The following PCSK7 variants were observed in gnomAD, a reference collection of about 807,000 sequenced individuals.
PCSK7 encodes proprotein convertase subtilisin/kexin type 7, also known as lymphoma proprotein convertase.
PCSK7 carries 38 observed loss-of-function variants against 73.3 expected under a neutral mutation model. That is an observed-to-expected ratio of 0.52 (90% CI 0.40 to 0.68). The LOEUF is 0.68. PCSK7 is among the 30% of genes least tolerant of loss of function. PCSK7 has a pLI of 0.00. For synonymous variants in PCSK7, 296 were observed against 383.8 expected, an observed-to-expected ratio of 0.77 and a Z score of 2.68; for missense variants, 692 against 991.5, an observed-to-expected ratio of 0.70 and a Z score of 4.06.
chr11:117,219,002 C>A, intron 11 of PCSK7, 55 bp downstream of exon 11: 1 of 1,230,664 alleles, frequency 8.1e-7, no homozygotes, highest in South Asian at 1.3e-5. Flanking sequence ...GGGCATTCAG[C>A]TCCGACCCTT....
rs141239283 is a variant in PCSK7 at position 117,230,166 on chromosome 11, T to C, written c.-13+183A>G. 280 of 306,950 alleles carry C rather than the reference T, an allele frequency of 9.1e-4. 2 individuals are homozygous for C. Among genetic ancestry groups the C allele is most frequent in the African/African-American group, 4.6e-3 (217 of 46,784 alleles). 19.0% of individuals were successfully genotyped at this position (306,950 alleles called of 1,614,324 possible). On this transcript the variant is annotated intron_variant, in intron 2 of 16. Coordinates refer to ENST00000320934, the MANE Select transcript of PCSK7 (RefSeq NM_004716.4). The stretch of plus-strand genomic sequence containing the variant: ...TCACAGGCACTGCGAGCAACCCCTG[T>C]TGCCACCCACAGGGCTCAAAGCACA...
In PCSK7 at chr11:117,227,197, G is replaced by A. The variant is rs201206256; in HGVS notation, c.729C>T (p.Ser243=). The change falls in exon 5 of 17, where the codon AGC becomes AGT. Residue 243 remains serine (S), a synonymous_variant. Transcript: ENST00000320934. ...AGEIAAVPNN[S]FCAVGVAYGS... is the part of the protein sequence containing the mutation. ...CGTAGGCCACGCCCACGGCACAGAA[G>A]CTGTTGTTGGGCACAGCCGCGATCT... is the stretch of plus-strand genomic sequence containing the variant. 14 of 1,611,084 alleles carry A rather than the reference G, an allele frequency of 8.7e-6. No homozygotes were observed. The Admixed American group carries it at 2.0e-4, about 23-fold the overall frequency.
At position 117,226,007 on chromosome 11, in the gene PCSK7, C is replaced by G; in HGVS notation, c.784G>C (p.Asp262His). ...TCCATGCTGTCTGTGAGAGGTCCAT[C>G]CAGTACCCGGATACCTAGGCAATGA... Reference protein sequence around the residue: ...GSRIAGIRVLDGPLTDSMEAV... With the variant: ...GSRIAGIRVLHGPLTDSMEAV... The change falls in exon 6 of 17, where the codon GAT becomes CAT. Residue 262 changes from aspartate (D) to histidine (H), a missense_variant. By Grantham distance (81) the Asp-to-His change is moderately conservative. Coordinates refer to ENST00000320934, the MANE Select transcript of PCSK7 (RefSeq NM_004716.4). 1 of 1,605,634 alleles carries G rather than the reference C, an allele frequency of 6.2e-7. No individual in the cohort carries two copies. The highest frequency in any genetic ancestry group is 2.2e-5 in the East Asian group (1 of 44,842).
At chr11:117,221,104 C>T (rs2032173750) in intron 9 of PCSK7, 1 of 152,296 alleles carries the variant, frequency 6.6e-6, no homozygotes, top group Non-Finnish European at 1.5e-5. Context: ...GTGCTAACAC[C>T]GGAGAATTTC....
At chr11:117,211,014 G>A (rs966766812) in intron 12 of PCSK7, 14 of 152,236 alleles carry the variant, frequency 9.2e-5, no homozygotes, top group African/African-American at 3.4e-4. Flanking sequence ...GAGAGGCACT[G>A]AAAGTAGGGG....
intron 12 of PCSK7, chr11:117,210,586 T>A (rs1302807766): frequency 1.3e-5 from 2 of 152,160 alleles, no homozygotes; most frequent in Non-Finnish European, 2.9e-5. Flanking sequence ...CTCAATCTCT[T>A]GACCTTATGA....
chr11:117,224,787 C>T, intron 6 of PCSK7, 32 bp from the exon 7 acceptor site: 1 of 1,580,310 alleles, frequency 6.3e-7, no homozygotes, highest in Non-Finnish European at 8.7e-7. Flanking sequence ...GAGGGGACAG[C>T]CAGAGCCAGG....
rs1401602352 is a variant in PCSK7 at position 117,229,740 on chromosome 11, G to A, written c.105C>T (p.Val35=). ...LAGLFLLVPW[V]MGLAGTGGPD... ...GCCCACCTGTCCCTGCCAGGCCCATGACCCAGGGAACCAGTAAGAAGAGCC... is the reference window on the plus strand; with the variant it reads ...GCCCACCTGTCCCTGCCAGGCCCATAACCCAGGGAACCAGTAAGAAGAGCC... Residue 35 remains valine (V), a synonymous_variant, in exon 3 of 17, where the codon GTC becomes GTT. Coordinates refer to ENST00000320934, the MANE Select transcript of PCSK7 (RefSeq NM_004716.4). The A allele has an allele frequency of 1.2e-6, 2 of 1,613,948 alleles. No individual in the cohort carries two copies. Among genetic ancestry groups the A allele is most frequent in the South Asian group, 2.2e-5 (2 of 91,076 alleles).
chr11:117,206,019 C>A lies in PCSK7; in HGVS notation c.2336G>T (p.Gly779Val). ...CPHQHLDVPHGKEEQIC is the reference protein window; with the variant it reads ...CPHQHLDVPHVKEEQIC The stretch of plus-strand genomic sequence containing the variant: ...AGGTCAGCAGATCTGCTCCTCCTTC[C>A]CGTGCGGTACGTCTAGGTGCTGATG... The change falls in exon 17 of 17, where the codon GGG becomes GTG. Residue 779 changes from glycine to valine, a missense_variant. Gly to Val is a moderately radical substitution (Grantham distance 109). Around this residue, in one of 6 missense-constraint regions of PCSK7, gnomAD observed 10 missense variants for 44.0 expected, o/e 0.23. Coordinates refer to ENST00000320934, the MANE Select transcript of PCSK7 (RefSeq NM_004716.4). The A allele has an allele frequency of 6.6e-6, 8 of 1,219,270 alleles. No homozygotes were observed. The highest frequency in any genetic ancestry group is 9.2e-6 in the Non-Finnish European group (8 of 871,664). 75.5% of individuals were successfully genotyped at this position (1,219,270 alleles called of 1,614,324 possible).
At chr11:117,227,403 TG>T (rs2032472644) in intron 4 of PCSK7, 81 bp from the exon 5 acceptor site, 1 of 1,039,762 alleles carries the variant, frequency 9.6e-7, no homozygotes, top group Non-Finnish European at 1.5e-6. Context: ...AGAAAGGAAA[TG>T]GGAGTTTGGG....
Position 117,229,617 on chromosome 11 carries a change from G to A in PCSK7, c.228C>T (p.Ala76=), listed in dbSNP as rs751477484. 1 of 1,614,074 alleles carries A rather than the reference G, an allele frequency of 6.2e-7. No individual in the cohort carries two copies. The highest frequency in any genetic ancestry group is 2.2e-5 in the East Asian group (1 of 44,880). The part of the protein sequence containing the change: ...EEETLEQQAD[A]LAQAAGLVNA... ...TCACCAGCCCTGCTGCCTGGGCCAA[G>A]GCATCCGCCTGCTGCTCCAGAGTCT... is the stretch of plus-strand genomic sequence containing the variant. Residue 76 remains alanine (A), a synonymous_variant, in exon 3 of 17, where the codon GCC becomes GCT. Transcript: ENST00000320934.
chr11:117,222,647 A>G (rs1323768224), intron 9 of PCSK7: 5 of 145,090 alleles, frequency 3.4e-5, no homozygotes, highest in African/African-American at 1.3e-4. Flanking sequence ...TGTGACACTT[A>G]GTTTCTTTTT....
At chr11:117,223,633 G>A (rs537856966) in intron 8 of PCSK7, 333 of 387,408 alleles carry the variant, frequency 8.6e-4, no homozygotes, top group Middle Eastern at 1.4e-3. Context: ...GGTCACACCC[G>A]TGCCAGGCAT....
At chr11:117,215,371 T>TGTGTGTGTGTGTGTGG (rs2031922742) in intron 12 of PCSK7, 1 of 86,050 alleles carries the variant, frequency 1.2e-5, no homozygotes. Context: ...AATTTGTGTG[T>TGTGTGTGTGTGTGTGG]GTGTGTGTGT....
rs1565297176 is a variant in PCSK7, at chr11:117,205,147, A to G, written c.*850T>C. The G allele has an allele frequency of 4.3e-6, 1 of 232,270 alleles. No homozygotes were observed. The highest frequency in any genetic ancestry group is 8.5e-6 in the Non-Finnish European group (1 of 117,154). The allele number at this position is 232,270 out of a possible 1,614,324, so 14.4% of individuals were successfully genotyped here. ...AAAATGTTGCTGTGAAAAGAGAAAAACAAATCTTAAGCATTAAAAAAAATT... is the reference window on the plus strand; with the variant it reads ...AAAATGTTGCTGTGAAAAGAGAAAAGCAAATCTTAAGCATTAAAAAAAATT... On this transcript the variant is annotated 3_prime_UTR_variant, in exon 17 of 17. Transcript: ENST00000320934.
intron 1 of PCSK7, among the ~76,000 whole-genome samples, chr11:117,230,808 A>G (rs1253673508): frequency 6.6e-6 from 1 of 152,196 alleles, no homozygotes; most frequent in African/African-American, 2.4e-5. Flanking sequence ...TCCCAGAAGG[A>G]TACCAGGGAA....
intron 4 of PCSK7, among the ~76,000 whole-genome samples, chr11:117,227,862 G>A (rs2032491324): frequency 6.6e-6 from 1 of 152,220 alleles, no homozygotes; most frequent in African/African-American, 2.4e-5. Flanking sequence ...ATGCGAATGT[G>A]CCTACAGCTC....
chr11:117,230,109 A>G, intron 2 of PCSK7: 1 of 430,522 alleles, frequency 2.3e-6, no homozygotes, highest in East Asian at 3.7e-5. Context: ...AATCCTCACG[A>G]CACCAGCTAA....
chr11:117,215,588 AGATGGGGTTTCACCGTGTTAGCCAG>A lies in PCSK7; in HGVS notation c.1534+2853_1534+2877del, dbSNP rs1361388489. The A allele has an allele frequency of 4.2e-4, 63 of 150,438 alleles. 1 individual carries two copies. The highest frequency in any genetic ancestry group is 1.5e-3 in the African/African-American group (61 of 40,836). The allele number at this position is 150,438 out of a possible 1,614,324, so 9.3% of individuals were successfully genotyped here. The stretch of plus-strand genomic sequence containing the variant: ...GCTAATTTTTTTGTATTTGTAGTAG[AGATGGGGTTTCACCGTGTTAGCCAG>A]GATGGTCTCGATCTCCTGACCTTGT... On this transcript the variant is annotated intron_variant, in intron 12 of 16. Transcript: ENST00000320934.
Sources: gnomAD v4.1 joint callset for allele counts (sites outside exome capture counted in the v4.1 genomes callset) on GRCh38, gnomAD v4.1.1 for gene constraint, gnomAD v4.1.1 regional missense constraint, MANE v1.5 for transcripts, NCBI Gene and HGNC (gene_info 2026-07-23, HGNC 2026-07-21) for gene names.